The following RAPH1 variants were observed in gnomAD, a reference collection of about 807,000 sequenced individuals.
The protein encoded by RAPH1 is Ras association (RalGDS/AF-6) and pleckstrin homology domains 1, also known as ras-associated and pleckstrin homology domains-containing protein 1.
A neutral mutation model predicts 88.1 loss-of-function variants in RAPH1; 18 were observed. That is an observed-to-expected ratio of 0.20 (90% CI 0.14 to 0.30). RAPH1 has a LOEUF of 0.30. Among genes scored for constraint, RAPH1 ranks in the 10% least tolerant of loss-of-function variants. RAPH1 has a pLI of 1.00. For synonymous variants in RAPH1, 587 were observed against 559.0 expected (o/e 1.05, Z -0.71); for missense variants, 1,448 against 1,543.2 (o/e 0.94, Z 1.03).
intron 4 of RAPH1, among the ~76,000 whole-genome samples, chr2:203,469,270 G>C (rs1206525097): frequency 6.6e-6 from 1 of 152,134 alleles, no homozygotes; most frequent in Admixed American, 6.5e-5. Context: ...ACACTGACCA[G>C]CTTAGACTTC....
chr2:203,453,958 A>G (rs899782168), intron 10 of RAPH1, among the ~76,000 whole-genome samples: 6 of 152,192 alleles, frequency 3.9e-5, no homozygotes, highest in African/African-American at 1.4e-4. Context: ...CAATACATAC[A>G]TGGGCTATCA....
intron 6 of RAPH1, 48 bp from the exon 7 acceptor site, chr2:203,460,076 G>T (rs1356623190): frequency 1.3e-6 from 2 of 1,522,172 alleles, no homozygotes; most frequent in South Asian, 1.2e-5. Flanking sequence ...CATTAGAGTT[G>T]CATGAAAGAC....
At chr2:203,530,258 T>G (rs1690329529) in intron 1 of RAPH1, among the ~76,000 whole-genome samples, 1 of 152,204 alleles carries the variant, frequency 6.6e-6, no homozygotes, top group Non-Finnish European at 1.5e-5. Context: ...CAGATGAAAT[T>G]TTACACAGCC....
chr2:203,532,133 T>A (rs1457036275), intron 1 of RAPH1, among the ~76,000 whole-genome samples: 1 of 152,210 alleles, frequency 6.6e-6, no homozygotes, highest in Admixed American at 6.6e-5. Flanking sequence ...ATCAATATTG[T>A]GTGAGTCAAA....
chr2:203,479,941 G>C (rs557699014), intron 4 of RAPH1, among the ~76,000 whole-genome samples: 1 of 152,010 alleles, frequency 6.6e-6, no homozygotes, highest in Non-Finnish European at 1.5e-5. Context: ...AAATCTAAAA[G>C]CTGTGCTCAA....
At chr2:203,447,555 T>C (rs1206161096) in intron 12 of RAPH1, 2 of 152,864 alleles carry the variant, frequency 1.3e-5, no homozygotes, top group Admixed American at 1.3e-4. Context: ...TATGTTAAGA[T>C]GTAATCATAG....
chr2:203,442,097 G>T (rs773392230), intron 13 of RAPH1: 1 of 1,589,200 alleles, frequency 6.3e-7, no homozygotes, highest in Middle Eastern at 1.7e-4. Flanking sequence ...AATACATAAA[G>T]AAATGCTTTG....
chr2:203,446,978 C>G (rs1299184333), intron 12 of RAPH1: 1 of 151,678 alleles, frequency 6.6e-6, no homozygotes, highest in Non-Finnish European at 1.5e-5. Flanking sequence ...TTTTGAACTA[C>G]TGGGCTCACG....
At chr2:203,457,051 C>T (rs1459082038) in intron 8 of RAPH1, among the ~76,000 whole-genome samples, 3 of 152,170 alleles carry the variant, frequency 2.0e-5, no homozygotes, top group South Asian at 2.1e-4. Context: ...TGGCCTAACA[C>T]GTTCACACAG....
In RAPH1 at chr2:203,506,170, T is replaced by C. The variant is rs536092117; in HGVS notation, c.1-10817A>G. Among the ~76,000 whole-genome samples the C allele has an allele frequency of 1.7e-4, 26 of 152,290 alleles. No homozygotes were observed. The East Asian group carries it at 4.4e-3, about 26-fold the overall frequency. The stretch of plus-strand genomic sequence containing the variant: ...GGGGGTAACAAATAGACGTAGCCTA[T>C]AGCTTGGAAGTCATTTGGATTAGGT... On this transcript the variant is annotated intron_variant, in intron 1 of 13. Coordinates refer to ENST00000319170, the MANE Select transcript of RAPH1 (RefSeq NM_213589.3).
At chr2:203,501,504 C>A (rs1022279261) in intron 1 of RAPH1, among the ~76,000 whole-genome samples, 2 of 152,138 alleles carry the variant, frequency 1.3e-5, no homozygotes, top group Non-Finnish European at 2.9e-5. Flanking sequence ...TGGTGGCTCA[C>A]GCCAGTAATC....
In RAPH1 at chr2:203,448,288, C is replaced by T. The variant is rs2098511759; in HGVS notation, c.1513-209G>A. On this transcript the variant is annotated intron_variant, in intron 11 of 13. Transcript: ENST00000319170. The surrounding 1 kb of genome is among the most constrained non-coding windows in gnomAD (Gnocchi z 4.1). ...TTAGAGGGGCAGCAAGAAGTCAACA[C>T]TTGATTCTGTTTGTTATAAACATTA... Among the ~76,000 whole-genome samples the T allele has an allele frequency of 6.6e-6, 1 of 152,176 alleles. No individual in the cohort carries two copies. The highest frequency in any genetic ancestry group is 1.5e-5 in the Non-Finnish European group (1 of 68,022).
chr2:203,495,330 T>G lies in RAPH1; in HGVS notation c.24A>C (p.Glu8Asp), dbSNP rs891452201. MEQLSDE[E>D]IDHGAEEDSD... The stretch of plus-strand genomic sequence containing the variant: ...TGTCTTCTTCAGCACCATGATCAAT[T>G]TCTTCATCTGATAGCTGCTCCATCT... Residue 8 changes from glutamate to aspartate, a missense_variant, in exon 2 of 14, where the codon GAA becomes GAC. This residue lies in a region of RAPH1 where 513 missense variants were observed against 653.1 expected (regional missense o/e 0.79). Coordinates refer to ENST00000319170, the MANE Select transcript of RAPH1 (RefSeq NM_213589.3). 1.9e-6 allele frequency: 3 copies of G among 1,613,972 alleles called. No individual in the cohort carries two copies. In the African/African-American group the frequency reaches 4.0e-5, roughly 22 times the overall value.
At chr2:203,455,396 A>G (rs772379266) in intron 9 of RAPH1, 41 bp downstream of exon 9, 5 of 1,589,092 alleles carry the variant, frequency 3.1e-6, no homozygotes, top group Non-Finnish European at 4.3e-6. Flanking sequence ...AAAAGCAATT[A>G]GCATAATGAG....
At chr2:203,466,622 C>T (rs1198329171) in intron 4 of RAPH1, among the ~76,000 whole-genome samples, 1 of 152,100 alleles carries the variant, frequency 6.6e-6, no homozygotes, top group Non-Finnish European at 1.5e-5. Flanking sequence ...GTTTTCTGCC[C>T]CATATCCTTG....
intron 1 of RAPH1, among the ~76,000 whole-genome samples, chr2:203,534,505 T>TCCCCCCCCCCCCC (rs1486665508): frequency 5.4e-4 from 4 of 7,410 alleles, no homozygotes; most frequent in African/African-American, 5.7e-4. Flanking sequence ...CCTCCCTCCG[T>TCCCCCCCCCCCCC]CCACCCCCCC....
At chr2:203,482,979 G>A (rs1178218034) in intron 4 of RAPH1, among the ~76,000 whole-genome samples, 2 of 152,150 alleles carry the variant, frequency 1.3e-5, no homozygotes, top group Non-Finnish European at 2.9e-5. Context: ...AAAGGCGTCT[G>A]GGCAGGGTTG....
chr2:203,525,485 A>G (rs1690073327), intron 1 of RAPH1, among the ~76,000 whole-genome samples: 1 of 152,128 alleles, frequency 6.6e-6, no homozygotes, highest in Admixed American at 6.5e-5. Flanking sequence ...GCCTGGCCAT[A>G]TTAACATATT....
intron 2 of RAPH1, among the ~76,000 whole-genome samples, chr2:203,492,737 A>C (rs1258629816): frequency 6.6e-6 from 1 of 152,050 alleles, no homozygotes; most frequent in African/African-American, 2.4e-5. Flanking sequence ...TCAAATTTTA[A>C]AAGAATGCTG....
Sources: allele counts gnomAD v4.1 joint callset (sites outside exome capture counted in the v4.1 genomes callset), GRCh38; gene constraint gnomAD v4.1.1; regional missense constraint gnomAD v4.1.1; non-coding constraint Gnocchi (gnomAD v3.1); transcripts MANE v1.5; gene names NCBI Gene and HGNC (gene_info 2026-07-23, HGNC 2026-07-21).